The following KHDRBS3 variants were observed in gnomAD, a reference collection of about 807,000 sequenced individuals.
KHDRBS3 encodes the protein KH RNA binding domain containing, signal transduction associated 3, also known as KH domain-containing, RNA-binding, signal transduction-associated protein 3.
Under a neutral mutation model 45.6 loss-of-function variants are expected in KHDRBS3, and 23 were observed. That is an observed-to-expected ratio of 0.50 (90% CI 0.36 to 0.72). KHDRBS3 has a LOEUF of 0.72. KHDRBS3 is among the 30% of genes least tolerant of loss of function. KHDRBS3 has a pLI of 0.00. For missense variants in KHDRBS3, 352 were observed against 424.8 expected (o/e 0.83, Z 1.51); for synonymous variants, 162 against 156.5 (o/e 1.04, Z -0.26).
chr8:135,624,244 C>G (rs1260844921), intron 7 of KHDRBS3, among the ~76,000 whole-genome samples: 1 of 152,104 alleles, frequency 6.6e-6, no homozygotes, highest in Admixed American at 6.5e-5. Context: ...CAGCTCTAAG[C>G]AGCAAACTTC....
chr8:135,601,778 C>G (rs567757247), intron 6 of KHDRBS3, among the ~76,000 whole-genome samples: 2 of 152,286 alleles, frequency 1.3e-5, no homozygotes, highest in South Asian at 2.1e-4. Flanking sequence ...TTGACATCCC[C>G]TTCTATACTT....
chr8:135,459,921 A>G (rs920593273), intron 1 of KHDRBS3, among the ~76,000 whole-genome samples: 3 of 152,240 alleles, frequency 2.0e-5, no homozygotes, highest in African/African-American at 7.2e-5. Context: ...TATAAGAAGT[A>G]TATTTCTCAC....
At chr8:135,575,765 A>G (rs1226745458) in intron 5 of KHDRBS3, among the ~76,000 whole-genome samples, 2 of 152,226 alleles carry the variant, frequency 1.3e-5, no homozygotes, top group African/African-American at 2.4e-5. Context: ...TATTATTAAC[A>G]TCTTACATTA....
At chr8:135,526,933 GTT>G (rs1164105316) in intron 2 of KHDRBS3, among the ~76,000 whole-genome samples, 1 of 143,230 alleles carries the variant, frequency 7.0e-6, no homozygotes, top group Admixed American at 7.0e-5. Flanking sequence ...TTCTCCATGG[GTT>G]TTTTTTTTTT....
intron 1 of KHDRBS3, among the ~76,000 whole-genome samples, chr8:135,516,324 C>A: frequency 1.3e-5 from 2 of 152,300 alleles, no homozygotes; most frequent in Admixed American, 6.5e-5. Context: ...CATTACTGCA[C>A]ACTTTTATAC....
At chr8:135,514,402 C>T (rs1824459662) in intron 1 of KHDRBS3, among the ~76,000 whole-genome samples, 1 of 152,210 alleles carries the variant, frequency 6.6e-6, no homozygotes, top group Non-Finnish European at 1.5e-5. Flanking sequence ...GGAGATACTG[C>T]CACATGCTGC....
chr8:135,505,478 C>A (rs1289700126), intron 1 of KHDRBS3, among the ~76,000 whole-genome samples: 4 of 152,100 alleles, frequency 2.6e-5, no homozygotes, highest in Non-Finnish European at 5.9e-5. Context: ...GTACTTTCCA[C>A]TATACTTCAG....
At chr8:135,517,231 A>G (rs901079180) in intron 1 of KHDRBS3, among the ~76,000 whole-genome samples, 7 of 152,220 alleles carry the variant, frequency 4.6e-5, no homozygotes, top group East Asian at 1.9e-4. Context: ...AGGAGATGGT[A>G]TTGGTACCTT....
intron 1 of KHDRBS3, among the ~76,000 whole-genome samples, chr8:135,469,522 GGTTTTTT>G (rs1821887623): frequency 4.8e-5 from 1 of 20,784 alleles, no homozygotes; most frequent in Non-Finnish European, 9.5e-5. Flanking sequence ...TTTTTGTTTT[GGTTTTTT>G]TTTTTTTTTT....
intron 7 of KHDRBS3, among the ~76,000 whole-genome samples, chr8:135,637,187 T>G (rs1460129854): frequency 6.6e-6 from 1 of 152,254 alleles, no homozygotes; most frequent in African/African-American, 2.4e-5. Context: ...GAAAGCAGAC[T>G]GGAAATTTTT....
chr8:135,458,578 G>A, intron 1 of KHDRBS3: 1 of 313,500 alleles, frequency 3.2e-6, no homozygotes, highest in Non-Finnish European at 6.2e-6. Flanking sequence ...CCCTGGCGGG[G>A]CAGTCAGCCC....
At chr8:135,520,559 TGTGA>T (rs2130648857) in intron 1 of KHDRBS3, among the ~76,000 whole-genome samples, 1 of 152,310 alleles carries the variant, frequency 6.6e-6, no homozygotes, top group Admixed American at 6.5e-5. Flanking sequence ...TAAAGTGCTT[TGTGA>T]GTATCAAGGT....
intron 7 of KHDRBS3, among the ~76,000 whole-genome samples, chr8:135,632,249 G>A (rs1371571166): frequency 6.6e-6 from 1 of 152,154 alleles, no homozygotes; most frequent in Non-Finnish European, 1.5e-5. Context: ...TGCCACACTT[G>A]ATGAGGGAAT....
intron 1 of KHDRBS3, among the ~76,000 whole-genome samples, chr8:135,520,208 C>T (rs184542810): frequency 2.6e-5 from 4 of 152,280 alleles, no homozygotes; most frequent in African/African-American, 4.8e-5. Context: ...TGGATAAATA[C>T]GTGTATTCCT....
chr8:135,464,564 G>A (rs1011939284), intron 1 of KHDRBS3, among the ~76,000 whole-genome samples: 2 of 152,026 alleles, frequency 1.3e-5, no homozygotes, highest in Non-Finnish European at 2.9e-5. Context: ...CTAAAAATAG[G>A]TTCACAAAAG....
At chr8:135,603,244 T>G (rs1332855410) in intron 6 of KHDRBS3, among the ~76,000 whole-genome samples, 3 of 152,234 alleles carry the variant, frequency 2.0e-5, no homozygotes, top group Non-Finnish European at 4.4e-5. Context: ...TAGACTCCTT[T>G]CCAACCATGG....
intron 2 of KHDRBS3, among the ~76,000 whole-genome samples, chr8:135,537,246 T>C (rs1825827990): frequency 6.6e-6 from 1 of 152,108 alleles, no homozygotes; most frequent in South Asian, 2.1e-4. Flanking sequence ...AAGTTCAGTG[T>C]TGAGTGTTGT....
chr8:135,470,099 CTG>C (rs1276123593), intron 1 of KHDRBS3, among the ~76,000 whole-genome samples: 1 of 152,146 alleles, frequency 6.6e-6, no homozygotes, highest in Non-Finnish European at 1.5e-5. Context: ...GTCTTCCTCT[CTG>C]TGAGAAGCAG....
At chr8:135,633,538 G>A (rs1830690746) in intron 7 of KHDRBS3, among the ~76,000 whole-genome samples, 1 of 152,088 alleles carries the variant, frequency 6.6e-6, no homozygotes, top group Admixed American at 6.5e-5. Flanking sequence ...GCCACAATAA[G>A]GTTCAGATTT....
Sources: allele counts gnomAD v4.1 joint callset (sites outside exome capture counted in the v4.1 genomes callset), GRCh38; gene constraint gnomAD v4.1.1; transcripts MANE v1.5; gene names NCBI Gene and HGNC (gene_info 2026-07-23, HGNC 2026-07-21).